ZNF318: variants seen among roughly 807,000 people sequenced by gnomAD.
ZNF318 encodes zinc finger protein 318.
A neutral mutation model predicts 124.2 loss-of-function variants in ZNF318; 51 were observed. The observed-to-expected ratio is 0.41, with a 90% confidence interval of 0.33 to 0.52. The LOEUF is 0.52. Among genes scored for constraint, ZNF318 ranks in the 20% least tolerant of loss-of-function variants. ZNF318 has a pLI of 0.23. For synonymous variants in ZNF318, 1,090 were observed against 1,040.7 expected (o/e 1.05, Z -0.91); for missense variants, 2,815 against 2,811.2 (o/e 1.00, Z -0.03).
In ZNF318 at chr6:43,336,449, T is replaced by C. The variant is rs1779280979; in HGVS notation, c.*709A>G. Reference sequence around the variant, plus strand: ...GAATAAGCCTTACCGATTTGTCGTCTTCTAAAAGTAAGCCTGCCAGATATT... The same window carrying C: ...GAATAAGCCTTACCGATTTGTCGTCCTCTAAAAGTAAGCCTGCCAGATATT... On this transcript the variant is annotated 3_prime_UTR_variant, in exon 10 of 10. Transcript: ENST00000361428. 6.6e-6 allele frequency: 1 copy of C among 152,240 alleles called. No individual in the cohort carries two copies. Among genetic ancestry groups the C allele is most frequent in the South Asian group, 2.1e-4 (1 of 4,832 alleles). 9.4% of individuals were successfully genotyped at this position (152,240 alleles called of 1,614,324 possible).
At chr6:43,356,170 T>C (rs1408708587) in intron 3 of ZNF318, 25 bp from the exon 4 acceptor site, 3 of 1,592,262 alleles carry the variant, frequency 1.9e-6, no homozygotes, top group Non-Finnish European at 8.5e-7. Context: ...ACAACTGATT[T>C]AGTCTTATGC....
chr6:43,338,005 A>G lies in ZNF318; in HGVS notation c.5993T>C (p.Leu1998Pro). Residue 1998 changes from leucine (L) to proline (P), a missense_variant, in exon 10 of 10, where the codon CTA becomes CCA. By Grantham distance (98) the Leu-to-Pro change is moderately conservative. Around this residue, in one of 4 missense-constraint regions of ZNF318, gnomAD observed 927 missense variants for 820.6 expected, o/e 1.13. Transcript: ENST00000361428. Reference sequence around the variant, plus strand: ...TAAGTCTGTAGCTTCAAAGTCTTCTAGGGCCTTGCTTTCTATTGTCACTGT... The same window carrying G: ...TAAGTCTGTAGCTTCAAAGTCTTCTGGGGCCTTGCTTTCTATTGTCACTGT... Reference protein sequence around the residue: ...ELTVTIESKALEDFEATDLKV... With the variant: ...ELTVTIESKAPEDFEATDLKV... 1 of 1,614,182 alleles carries G rather than the reference A, an allele frequency of 6.2e-7. No homozygotes were observed. Among genetic ancestry groups the G allele is most frequent in the Non-Finnish European group, 8.5e-7 (1 of 1,180,026 alleles).
intron 5 of ZNF318, among the ~76,000 whole-genome samples, 194 bp downstream of exon 5, chr6:43,352,183 T>TTG (rs1562132282): frequency 9.1e-6 from 1 of 110,386 alleles, no homozygotes; most frequent in South Asian, 2.9e-4. Context: ...ATCATCATCA[T>TTG]CACCACCACC....
At chr6:43,342,907 G>A in intron 6 of ZNF318, 28 bp from the exon 7 acceptor site, 2 of 1,578,864 alleles carry the variant, frequency 1.3e-6, no homozygotes, top group Non-Finnish European at 1.7e-6. Flanking sequence ...GTACTTACAA[G>A]GAATTCAAGG....
Position 43,340,322 on chromosome 6 carries a change from C to T in ZNF318, c.3676G>A (p.Asp1226Asn). 2 of 1,614,122 alleles carry T rather than the reference C, an allele frequency of 1.2e-6. No individual in the cohort carries two copies. Among genetic ancestry groups the T allele is most frequent in the Non-Finnish European group, 1.7e-6 (2 of 1,180,042 alleles). ...KAKAVKEVKE[D>N]DKVSEKLEDQ... ...TCTAATTTCTCAGAGACCTTGTCAT[C>T]CTCCTTTACTTCTTTCACAGCCTTT... Residue 1226 changes from aspartate to asparagine, a missense_variant, in exon 10 of 10, where the codon GAT (aspartate) becomes AAT (asparagine). Asp to Asn is a conservative substitution (Grantham distance 23, BLOSUM62 1). Transcript: ENST00000361428.
intron 2 of ZNF318, among the ~76,000 whole-genome samples, chr6:43,362,764 A>G (rs1779700123): frequency 6.6e-6 from 1 of 152,058 alleles, no homozygotes; most frequent in Admixed American, 6.6e-5. Context: ...TCAGCCTCCC[A>G]AAGTGCTGGG....
At chr6:43,345,194 C>T (rs1336592266) in intron 6 of ZNF318, among the ~76,000 whole-genome samples, 1 of 150,076 alleles carries the variant, frequency 6.7e-6, no homozygotes, top group Admixed American at 6.7e-5. Context: ...CTGCAGTGAG[C>T]CATGACTGTG....
chr6:43,354,940 T>C lies in ZNF318; in HGVS notation c.2394A>G (p.Ala798=). Reference sequence around the variant, plus strand: ...TGGGATACATGGGCCATCTGGAGGCTGCATATGCCATGTAGTGCCTATAGG... The same window carrying C: ...TGGGATACATGGGCCATCTGGAGGCCGCATATGCCATGTAGTGCCTATAGG... ...FDAYRHYMAY[A]ASRWPMYPTS... The change falls in exon 4 of 10, where the codon GCA becomes GCG. Residue 798 remains alanine, a synonymous_variant. Coordinates refer to ENST00000361428, the MANE Select transcript of ZNF318 (RefSeq NM_014345.3). 1 of 1,610,334 alleles carries C rather than the reference T, an allele frequency of 6.2e-7. No homozygotes were observed. The highest frequency in any genetic ancestry group is 8.5e-7 in the Non-Finnish European group (1 of 1,177,706).
intron 8 of ZNF318, 21 bp from the exon 9 acceptor site, chr6:43,340,929 T>G (rs201683503): frequency 1.3e-4 from 202 of 1,569,418 alleles, no homozygotes; most frequent in Non-Finnish European, 1.6e-4. Flanking sequence ...TAGAAAAAAG[T>G]CAAGGAAATA....
In ZNF318 at chr6:43,337,843, A is replaced by G; in HGVS notation, c.6155T>C (p.Ile2052Thr). Residue 2052 changes from isoleucine to threonine, a missense_variant, in exon 10 of 10, where the codon ATA becomes ACA. Transcript: ENST00000361428. ...KVCEENSVSP[I>T]GCNSSDPADF... ...AGCGGGATCGGAGGAATTACACCCT[A>G]TAGGTGATACAGAATTTTCTTCACA... 1.2e-6 allele frequency: 2 copies of G among 1,614,208 alleles called. No individual in the cohort carries two copies. Among genetic ancestry groups the G allele is most frequent in the Non-Finnish European group, 1.7e-6 (2 of 1,180,034 alleles).
chr6:43,360,730 A>G (rs893480742), intron 2 of ZNF318, among the ~76,000 whole-genome samples: 2 of 152,354 alleles, frequency 1.3e-5, no homozygotes, highest in Non-Finnish European at 2.9e-5. Context: ...TAAACAAAAC[A>G]TGGTATATCC....
Position 43,348,318 on chromosome 6 carries a change from T to A in ZNF318, c.3072+6A>T. On this transcript the variant is annotated splice_donor_region_variant and intron_variant, in intron 6 of 9. Coordinates refer to ENST00000361428, the MANE Select transcript of ZNF318 (RefSeq NM_014345.3). ...GATGATAGAAATGGAAAAATTGAGT[T>A]GTTACCTTGTTGGAGGAGGAGTTTG... 1 of 1,597,448 alleles carries A rather than the reference T, an allele frequency of 6.3e-7. No homozygotes were observed. The highest frequency in any genetic ancestry group is 1.1e-5 in the South Asian group (1 of 87,904).
intron 5 of ZNF318, 31 bp downstream of exon 5, chr6:43,352,346 C>G: frequency 2.1e-6 from 3 of 1,462,572 alleles, no homozygotes; most frequent in Non-Finnish European, 2.7e-6. Context: ...CAAGTTATTA[C>G]AAAAAGGCAG....
chr6:43,358,467 T>C (rs536666169), intron 2 of ZNF318, among the ~76,000 whole-genome samples: 1 of 147,902 alleles, frequency 6.8e-6, no homozygotes, highest in East Asian at 2.0e-4. Flanking sequence ...TTTCACCATG[T>C]TAGCCAGGAT....
chr6:43,337,211 C>T lies in ZNF318; in HGVS notation c.6787G>A (p.Glu2263Lys). Residue 2263 changes from glutamate to lysine, a missense_variant, in exon 10 of 10, where the codon GAA becomes AAA. By Grantham distance (56) the Glu-to-Lys change is moderately conservative (BLOSUM62 1). Coordinates refer to ENST00000361428, the MANE Select transcript of ZNF318 (RefSeq NM_014345.3). The stretch of plus-strand genomic sequence containing the variant: ...TCCTGGATGGCACCAACTGTAGTTT[C>T]CTGTTCAGGCATTCCCTGAGGGACC... ...NMVPQGMPEQ[E>K]TTVGAIQDHT... 1 of 1,613,642 alleles carries T rather than the reference C, an allele frequency of 6.2e-7. No homozygotes were observed. Among genetic ancestry groups the T allele is most frequent in the Non-Finnish European group, 8.5e-7 (1 of 1,179,726 alleles).
Position 43,339,723 on chromosome 6 carries a change from C to A in ZNF318, c.4275G>T (p.Val1425=). The A allele has an allele frequency of 6.2e-7, 1 of 1,614,040 alleles. No individual in the cohort carries two copies. Among genetic ancestry groups the A allele is most frequent in the South Asian group, 1.1e-5 (1 of 91,076 alleles). Residue 1425 remains valine (V), a synonymous_variant, in exon 10 of 10, where the codon GTG becomes GTT. Transcript: ENST00000361428. This position sits in a 1 kb window ranked among gnomAD's most constrained non-coding sequence, Gnocchi z 4.2. ...ATGGCTCACTCTTTTCAGCCAACAC[C>A]ACTTTTTCCTCTGGAGACCCTTTTA... ...VILKGSPEEK[V]VLAEKSEPSH...
chr6:43,362,384 C>T (rs557576388), intron 2 of ZNF318, among the ~76,000 whole-genome samples: 1 of 151,502 alleles, frequency 6.6e-6, no homozygotes, highest in Admixed American at 6.6e-5. Context: ...ACCTGGGAGG[C>T]GGAGGTTGCA....
chr6:43,346,061 T>A (rs1207986068), intron 6 of ZNF318, among the ~76,000 whole-genome samples: 1 of 147,468 alleles, frequency 6.8e-6, no homozygotes, highest in Non-Finnish European at 1.5e-5. Context: ...ATTAGCTGGG[T>A]GTGGTGGCAC....
At chr6:43,340,727 G>T in intron 9 of ZNF318, 63 bp downstream of exon 9, 8 of 1,550,394 alleles carry the variant, frequency 5.2e-6, no homozygotes, top group Non-Finnish European at 7.1e-6. Context: ...GACGCCATTT[G>T]ACAAAGTCAA....
Sources: gnomAD v4.1 joint callset for allele counts (sites outside exome capture counted in the v4.1 genomes callset) on GRCh38, gnomAD v4.1.1 for gene constraint, gnomAD v4.1.1 regional missense constraint, Gnocchi (gnomAD v3.1) non-coding constraint, MANE v1.5 for transcripts, NCBI Gene and HGNC (gene_info 2026-07-23, HGNC 2026-07-21) for gene names.